Variants in TRAF2 observed in about 807,000 individuals in gnomAD.
TRAF2 encodes TNF receptor-associated factor 2.
TRAF2 carries 6 observed loss-of-function variants against 55.6 expected under a neutral mutation model. The observed-to-expected ratio is 0.11, with a 90% confidence interval of 0.06 to 0.21. The LOEUF (loss-of-function observed/expected upper bound fraction) is 0.21, where lower values mean the gene tolerates loss of function less well. Ranked by LOEUF, TRAF2 falls within the 10% of genes least tolerant of loss-of-function variation. The pLI is 1.00. For synonymous variants in TRAF2, 329 were observed against 276.3 expected (o/e 1.19, Z -1.89); for missense variants, 561 against 684.5 (o/e 0.82, Z 2.01).
chr9:136,894,709 T>G (rs749429883), intron 1 of TRAF2, among the ~76,000 whole-genome samples: 4 of 151,802 alleles, frequency 2.6e-5, no homozygotes, highest in Non-Finnish European at 5.9e-5. Flanking sequence ...ATTGTGGGTA[T>G]GAAGGAGGAG....
At chr9:136,901,963 G>C (rs866559773) in intron 4 of TRAF2, 1 of 152,238 alleles carries the variant, frequency 6.6e-6, no homozygotes, top group Admixed American at 6.5e-5. Context: ...TCCAAGTTTC[G>C]TTTTTTCAGA....
chr9:136,889,894 C>T (rs999409266), intron 1 of TRAF2, among the ~76,000 whole-genome samples: 9 of 152,102 alleles, frequency 5.9e-5, no homozygotes, highest in East Asian at 3.9e-4. Flanking sequence ...AGTCGGTCAC[C>T]GCATGTGTGA....
intron 10 of TRAF2, among the ~76,000 whole-genome samples, chr9:136,924,802 T>C (rs576677253): frequency 9.3e-4 from 142 of 151,958 alleles, no homozygotes; most frequent in Non-Finnish European, 1.7e-3. Flanking sequence ...TGCAGTGGCA[T>C]GATCTCGGCT....
intron 6 of TRAF2, among the ~76,000 whole-genome samples, chr9:136,914,922 G>A (rs757260671): frequency 6.6e-6 from 1 of 152,108 alleles, no homozygotes; most frequent in Non-Finnish European, 1.5e-5. Flanking sequence ...GCTCATGCCT[G>A]TTATCCCAGC....
At chr9:136,885,106 T>G (rs1339697993), upstream of TRAF2, among the ~76,000 whole-genome samples, 4 of 152,170 alleles carry the variant, frequency 2.6e-5, no homozygotes, top group African/African-American at 9.7e-5. Context: ...GTCCCAGGAA[T>G]GTGGGTTTGG....
chr9:136,921,766 C>G (rs1345911277), intron 9 of TRAF2, among the ~76,000 whole-genome samples: 2 of 151,924 alleles, frequency 1.3e-5, no homozygotes, highest in African/African-American at 4.8e-5. Flanking sequence ...CTGGAGGGCA[C>G]TGCTGGAGAG....
intron 1 of TRAF2, chr9:136,890,295 A>G (rs1287403594): frequency 6.6e-6 from 1 of 152,296 alleles, no homozygotes; most frequent in East Asian, 1.9e-4. Context: ...GGAGTTTTAG[A>G]GTAAAACTGA....
intron 7 of TRAF2, among the ~76,000 whole-genome samples, chr9:136,919,772 G>A (rs778165972): frequency 1.3e-5 from 2 of 151,496 alleles, no homozygotes; most frequent in Admixed American, 6.6e-5. Context: ...CAGGGATGCA[G>A]TGGTATGATC....
In TRAF2 at chr9:136,920,309, C is replaced by T; in HGVS notation, c.754C>T (p.Leu252=). The part of the protein sequence containing the change: ...EHLAMLLSSV[L]EAKPLLGDQS... ...CCTGGCCATGCTACTGAGCTCGGTG[C>T]TGGAGGCAAAGCCCCTCTTGGGAGA... is the stretch of plus-strand genomic sequence containing the variant. Residue 252 remains leucine (L), a synonymous_variant, in exon 8 of 11, where the codon CTG becomes TTG. Coordinates refer to ENST00000247668, the MANE Select transcript of TRAF2 (RefSeq NM_021138.4). The T allele has an allele frequency of 6.2e-7, 1 of 1,613,930 alleles. No homozygotes were observed. Among genetic ancestry groups the T allele is most frequent in the Non-Finnish European group, 8.5e-7 (1 of 1,180,044 alleles).
At chr9:136,903,123 A>G (rs1849860301) in intron 4 of TRAF2, among the ~76,000 whole-genome samples, 1 of 151,916 alleles carries the variant, frequency 6.6e-6, no homozygotes, top group Non-Finnish European at 1.5e-5. Flanking sequence ...CTAATTTTTT[A>G]TATTTCTAGT....
chr9:136,917,495 C>T (rs1214934650), intron 7 of TRAF2, among the ~76,000 whole-genome samples: 2 of 152,164 alleles, frequency 1.3e-5, no homozygotes, highest in African/African-American at 4.8e-5. Flanking sequence ...CAACAGGAGC[C>T]CCTTGAGGTC....
Position 136,923,148 on chromosome 9 carries a change from T to C in TRAF2, c.1139-704T>C, listed in dbSNP as rs113975488. 7.0e-4 allele frequency among the ~76,000 whole-genome samples: 107 copies of C among 152,288 alleles called. 1 individual carries two copies. The highest frequency in any genetic ancestry group is 2.0e-3 in the Admixed American group (31 of 15,304). On this transcript the variant is annotated intron_variant, in intron 9 of 10. Coordinates refer to ENST00000247668, the MANE Select transcript of TRAF2 (RefSeq NM_021138.4). ...CGACTCTTCTTGTTTTGGGGTTCAC[T>C]CTAGCCAGTGCCTCTTCTGAGGCAG...
At chr9:136,913,012 C>G (rs944453244) in intron 6 of TRAF2, among the ~76,000 whole-genome samples, 9 of 152,260 alleles carry the variant, frequency 5.9e-5, no homozygotes, top group Non-Finnish European at 1.2e-4. Context: ...ACAGGCACTC[C>G]TGTAATCCCA....
chr9:136,901,119 C>T (rs866262910), intron 4 of TRAF2, among the ~76,000 whole-genome samples: 1 of 114,708 alleles, frequency 8.7e-6, no homozygotes, highest in Admixed American at 8.1e-5. Context: ...GCGAGCCGTG[C>T]ACGCCTTCCT....
chr9:136,921,379 T>C (rs1850381036), intron 9 of TRAF2, among the ~76,000 whole-genome samples, 164 bp downstream of exon 9: 1 of 152,032 alleles, frequency 6.6e-6, no homozygotes, highest in Non-Finnish European at 1.5e-5. Context: ...GTGGGGTAGC[T>C]GAATATGGGC....
intron 4 of TRAF2, chr9:136,900,820 G>T: frequency 2.8e-6 from 1 of 359,724 alleles, no homozygotes; most frequent in East Asian, 6.7e-5. Context: ...CCACCATCGT[G>T]GGGTGGCTGT....
upstream of TRAF2, among the ~76,000 whole-genome samples, chr9:136,885,872 G>A (rs529838278): frequency 2.0e-4 from 31 of 152,350 alleles, no homozygotes; most frequent in African/African-American, 7.0e-4. Context: ...CACCCCAAAA[G>A]GAGACCCCAT....
chr9:136,887,569 T>A (rs1462185459), intron 1 of TRAF2, among the ~76,000 whole-genome samples: 1 of 152,150 alleles, frequency 6.6e-6, no homozygotes, highest in Non-Finnish European at 1.5e-5. Context: ...GAGTCTGGTC[T>A]GGGTCAAGTC....
intron 1 of TRAF2, among the ~76,000 whole-genome samples, chr9:136,895,005 C>T (rs1849651758): frequency 6.6e-6 from 1 of 152,172 alleles, no homozygotes; most frequent in East Asian, 1.9e-4. Context: ...AAAATGAAAG[C>T]CTCCTGGGTT....
Sources: allele counts gnomAD v4.1 joint callset (sites outside exome capture counted in the v4.1 genomes callset), GRCh38; gene constraint gnomAD v4.1.1; transcripts MANE v1.5; gene names NCBI Gene and HGNC (gene_info 2026-07-23, HGNC 2026-07-21).